RBFOX3: variants seen among roughly 807,000 people sequenced by gnomAD.
RBFOX3 encodes the protein RNA binding fox-1 homolog 3.
Under a neutral mutation model 48.7 loss-of-function variants are expected in RBFOX3, and 17 were observed. The ratio of observed to expected loss-of-function variants is 0.35; its 90% CI spans 0.24 to 0.52. The LOEUF (loss-of-function observed/expected upper bound fraction) is 0.52, where lower values mean the gene tolerates loss of function less well. Among genes scored for constraint, RBFOX3 ranks in the 20% least tolerant of loss-of-function variants. The pLI, the probability that RBFOX3 is intolerant of heterozygous loss-of-function variation, is 0.94. For missense variants in RBFOX3, 382 were observed against 497.5 expected, an observed-to-expected ratio of 0.77 and a Z score of 2.21; for synonymous variants, 212 against 209.5, an observed-to-expected ratio of 1.01 and a Z score of -0.10.
chr17:79,589,864 G>A (rs1017937638), intron 1 of RBFOX3, among the ~76,000 whole-genome samples: 2 of 152,324 alleles, frequency 1.3e-5, no homozygotes, highest in African/African-American at 4.8e-5. Flanking sequence ...GGACACCAGC[G>A]TTTGATGTGG....
chr17:79,165,668 A>G (rs1249692587), intron 4 of RBFOX3, among the ~76,000 whole-genome samples: 1 of 152,192 alleles, frequency 6.6e-6, no homozygotes, highest in Non-Finnish European at 1.5e-5. Flanking sequence ...CTCCTTTCGC[A>G]GGTGCCTCAG....
chr17:79,318,897 T>C (rs929093885), intron 2 of RBFOX3, among the ~76,000 whole-genome samples: 9 of 125,302 alleles, frequency 7.2e-5, no homozygotes, highest in Admixed American at 6.0e-4. Flanking sequence ...GAGGGAGGGA[T>C]AGCATTTGGA....
chr17:79,474,552 C>G (rs1002102528), intron 2 of RBFOX3, among the ~76,000 whole-genome samples: 5 of 152,194 alleles, frequency 3.3e-5, no homozygotes, highest in Non-Finnish European at 7.3e-5. Context: ...GCAGAGGGAA[C>G]ACAGGGAGCA....
intron 2 of RBFOX3, among the ~76,000 whole-genome samples, chr17:79,338,219 A>G (rs746621221): frequency 1.6e-4 from 25 of 152,242 alleles, no homozygotes; most frequent in Non-Finnish European, 3.2e-4. Flanking sequence ...GGTTACAGGC[A>G]TGAGCCACCG....
intron 3 of RBFOX3, among the ~76,000 whole-genome samples, chr17:79,292,600 GCACACACACACACACATACA>G (rs1567988296): frequency 1.3e-4 from 10 of 79,016 alleles, no homozygotes; most frequent in Admixed American, 1.1e-3. Flanking sequence ...ACACACACAC[GCACACACACACACACATACA>G]TGCAGACCCA....
intron 2 of RBFOX3, among the ~76,000 whole-genome samples, chr17:79,476,145 C>T (rs959759867): frequency 1.7e-4 from 26 of 152,322 alleles, no homozygotes; most frequent in Middle Eastern, 3.4e-3. Flanking sequence ...TGGGGAGCAG[C>T]GGCAGGGCCC....
chr17:79,219,241 G>A (rs1423921135), intron 4 of RBFOX3, among the ~76,000 whole-genome samples: 1 of 152,168 alleles, frequency 6.6e-6, no homozygotes, highest in Non-Finnish European at 1.5e-5. Context: ...CCTGGGAAGT[G>A]TTCCTGGGCT....
At chr17:79,399,622 CA>C (rs140363019) in intron 2 of RBFOX3, among the ~76,000 whole-genome samples, 1 of 151,260 alleles carries the variant, frequency 6.6e-6, no homozygotes, top group Non-Finnish European at 1.5e-5. Context: ...AAGGAGAAAG[CA>C]AAAAAAATCT....
intron 4 of RBFOX3, among the ~76,000 whole-genome samples, chr17:79,139,670 G>A (rs1669198859): frequency 6.6e-6 from 1 of 152,266 alleles, no homozygotes; most frequent in African/African-American, 2.4e-5. Context: ...GGGACCAATG[G>A]GACAATTCTT....
At chr17:79,436,768 G>A (rs940763744) in intron 2 of RBFOX3, among the ~76,000 whole-genome samples, 5 of 152,164 alleles carry the variant, frequency 3.3e-5, no homozygotes, top group East Asian at 1.9e-4. Context: ...TGCCAGAGCC[G>A]ATTCCAACGC....
intron 1 of RBFOX3, among the ~76,000 whole-genome samples, chr17:79,486,192 G>C (rs2079567544): frequency 6.6e-6 from 1 of 152,208 alleles, no homozygotes; most frequent in East Asian, 1.9e-4. Flanking sequence ...AGCGTAGTTG[G>C]GGGCTGGGCT....
chr17:79,293,998 A>C (rs2073897392), intron 3 of RBFOX3, among the ~76,000 whole-genome samples: 2 of 152,192 alleles, frequency 1.3e-5, no homozygotes, highest in African/African-American at 4.8e-5. Context: ...GGAAGCAATG[A>C]CATAGTCTCA....
chr17:79,226,339 G>A (rs115441037), intron 4 of RBFOX3, among the ~76,000 whole-genome samples: 350 of 152,298 alleles, frequency 2.3e-3, no homozygotes, highest in African/African-American at 7.7e-3. Context: ...CCGTATTAGC[G>A]TCACCCCAAC....
intron 4 of RBFOX3, among the ~76,000 whole-genome samples, chr17:79,155,997 T>A (rs1050182236): frequency 6.6e-6 from 1 of 152,108 alleles, no homozygotes; most frequent in South Asian, 2.1e-4. Flanking sequence ...GTGCAGAACC[T>A]CCCTGGCCCC....
intron 4 of RBFOX3, among the ~76,000 whole-genome samples, chr17:79,186,041 C>T (rs1312913534): frequency 6.6e-6 from 1 of 152,164 alleles, no homozygotes; most frequent in Non-Finnish European, 1.5e-5. Context: ...CAGTCATTGG[C>T]CCAAAGAAAG....
chr17:79,233,403 G>C (rs4789961), intron 4 of RBFOX3, among the ~76,000 whole-genome samples: 88,607 of 152,030 alleles, frequency 0.58, 25,972 homozygotes, highest in Middle Eastern at 0.65. Context: ...GTAATGGTTG[G>C]GGGTGATGAA....
chr17:79,374,593 C>T (rs1247222176), intron 2 of RBFOX3, among the ~76,000 whole-genome samples: 3 of 152,232 alleles, frequency 2.0e-5, no homozygotes, highest in Non-Finnish European at 4.4e-5. Context: ...GCTGGCTGCG[C>T]CCAGGTACAC....
rs886067663 is a variant in RBFOX3, at chr17:79,272,450, T to C, written c.-74+35274A>G. Among the ~76,000 whole-genome samples, 14 of 152,186 alleles carry C rather than the reference T, an allele frequency of 9.2e-5. 1 individual carries two copies. The highest frequency in any genetic ancestry group is 1.3e-4 in the Non-Finnish European group (9 of 68,032). On this transcript the variant is annotated intron_variant, in intron 3 of 14. Coordinates refer to ENST00000693108, the MANE Select transcript of RBFOX3 (RefSeq NM_001350451.2). ...ATAACCATCAGCATTTTCTCTCCAG[T>C]GGTTGCTGAGACAAGCCATTCCCCT...
chr17:79,650,166 A>G, the RBFOX3 span, among the ~76,000 whole-genome samples: 1 of 152,216 alleles, frequency 6.6e-6, no homozygotes, highest in African/African-American at 2.4e-5. Flanking sequence ...GGAAGTTCCC[A>G]ACAACTGATG....
Sources: gnomAD v4.1 joint callset for allele counts (sites outside exome capture counted in the v4.1 genomes callset) on GRCh38, gnomAD v4.1.1 for gene constraint, MANE v1.5 for transcripts, NCBI Gene and HGNC (gene_info 2026-07-23, HGNC 2026-07-21) for gene names.